The following SRRM1 variants were observed in gnomAD, a reference collection of about 807,000 sequenced individuals.
SRRM1 encodes serine and arginine repetitive matrix 1, also known as serine/arginine repetitive matrix protein 1.
Under a neutral mutation model 110.2 loss-of-function variants are expected in SRRM1, and 19 were observed. The ratio of observed to expected loss-of-function variants is 0.17; its 90% CI spans 0.12 to 0.25. SRRM1 has a LOEUF of 0.25. SRRM1 is among the 10% of genes least tolerant of loss of function. SRRM1 has a pLI of 1.00. For missense variants in SRRM1, 918 were observed against 1,145.8 expected, an observed-to-expected ratio of 0.80 and a Z score of 2.87; for synonymous variants, 443 against 414.9, an observed-to-expected ratio of 1.07 and a Z score of -0.82.
intron 1 of SRRM1, 115 bp from the exon 2 acceptor site, chr1:24,645,869 C>G (rs745878754): frequency 3.9e-5 from 28 of 714,188 alleles, no homozygotes; most frequent in Non-Finnish European, 6.1e-5. Context: ...TCTATGAAAA[C>G]TAGTTTGGTA....
chr1:24,664,241 C>A (rs776197918), intron 12 of SRRM1, among the ~76,000 whole-genome samples: 3 of 152,098 alleles, frequency 2.0e-5, no homozygotes, highest in Non-Finnish European at 4.4e-5. Flanking sequence ...GGTGATCCAC[C>A]CGCCTCGGCC....
Position 24,655,147 on chromosome 1 carries a change from A to G in SRRM1, c.1315+18A>G, listed in dbSNP as rs764343572. ...AGGTAAAGGTAAAAATCAAACACAT[A>G]TGAAACATGGTCTCTCTTTCTTTGG... On this transcript the variant is annotated intron_variant, in intron 9 of 16. Coordinates refer to ENST00000323848, the MANE Select transcript of SRRM1 (RefSeq NM_005839.4). 7.4e-6 allele frequency: 12 copies of G among 1,611,162 alleles called. No individual in the cohort carries two copies. Among genetic ancestry groups the G allele is most frequent in the East Asian group, 6.7e-5 (3 of 44,818 alleles).
chr1:24,664,790 CT>C (rs1669066105), intron 12 of SRRM1, among the ~76,000 whole-genome samples: 1 of 152,112 alleles, frequency 6.6e-6, no homozygotes, highest in Non-Finnish European at 1.5e-5. Context: ...TTATCTCTGG[CT>C]TTTGTGAAGT....
Position 24,649,040 on chromosome 1 carries a change from T to C in SRRM1, c.405+11T>C, listed in dbSNP as rs772005399. The C allele has an allele frequency of 1.2e-6, 2 of 1,609,466 alleles. No homozygotes were observed. Among genetic ancestry groups the C allele is most frequent in the Non-Finnish European group, 8.5e-7 (1 of 1,178,774 alleles). On this transcript the variant is annotated intron_variant, in intron 4 of 16. Transcript: ENST00000323848. ...ATAAAACAAAGACAGGTAATAACCT[T>C]TTCTTTTCTGTAATGTCGATTTGAG...
intron 3 of SRRM1, chr1:24,647,824 A>G (rs892826730): frequency 3.9e-5 from 6 of 152,350 alleles, no homozygotes; most frequent in African/African-American, 1.4e-4. Flanking sequence ...ACAGGGGAGA[A>G]AGTTTTTTAA....
At chr1:24,669,855 C>T (rs1671851879) in intron 14 of SRRM1, 1 of 557,996 alleles carries the variant, frequency 1.8e-6, no homozygotes, top group East Asian at 3.0e-5. Context: ...AGACATTGAA[C>T]ATTTCTTGTG....
At position 24,661,303 on chromosome 1, in the gene SRRM1, C is replaced by T. The variant is rs1005866852; in HGVS notation, c.1397-7C>T. The stretch of plus-strand genomic sequence containing the variant: ...AGAAACACTTTCTAAATGCATCCAT[C>T]TTTCAGAAGAAGATAAAGGTGGCAA... On this transcript the variant is annotated splice_polypyrimidine_tract_variant and splice_region_variant and intron_variant, in intron 10 of 16. Coordinates refer to ENST00000323848, the MANE Select transcript of SRRM1 (RefSeq NM_005839.4). 2 of 1,607,828 alleles carry T rather than the reference C, an allele frequency of 1.2e-6. No individual in the cohort carries two copies. The highest frequency in any genetic ancestry group is 3.4e-5 in the Admixed American group (2 of 59,444).
At chr1:24,646,204 G>A (rs947203935) in intron 2 of SRRM1, 131 bp downstream of exon 2, 1 of 671,718 alleles carries the variant, frequency 1.5e-6, no homozygotes, top group Non-Finnish European at 2.6e-6. Flanking sequence ...CCACCTTTTA[G>A]CCACCACACG....
At chr1:24,664,931 T>C (rs904154928) in intron 12 of SRRM1, among the ~76,000 whole-genome samples, 1 of 151,434 alleles carries the variant, frequency 6.6e-6, no homozygotes, top group African/African-American at 2.4e-5. Flanking sequence ...GGAAAGAGAT[T>C]CCTCACAGCA....
At chr1:24,658,963 G>A (rs1251310034) in intron 9 of SRRM1, among the ~76,000 whole-genome samples, 1 of 152,170 alleles carries the variant, frequency 6.6e-6, no homozygotes, top group Admixed American at 6.6e-5. Flanking sequence ...GGAGGCAGAG[G>A]TGGGTGGATC....
chr1:24,667,212 T>C (rs945820950), intron 13 of SRRM1, among the ~76,000 whole-genome samples: 5 of 152,190 alleles, frequency 3.3e-5, no homozygotes, highest in African/African-American at 1.2e-4. Flanking sequence ...TCTATAGAGA[T>C]AGAAAACAGA....
intron 8 of SRRM1, chr1:24,654,223 G>A (rs575815930): frequency 9.2e-7 from 1 of 1,091,420 alleles, no homozygotes; most frequent in South Asian, 1.3e-5. Flanking sequence ...CAGCCATTTA[G>A]CAGTCAATAT....
intron 1 of SRRM1, 40 bp downstream of exon 1, chr1:24,643,387 T>C (rs1345048130): frequency 6.5e-7 from 1 of 1,529,778 alleles, no homozygotes; most frequent in South Asian, 1.2e-5. Context: ...GGCCAGGGAC[T>C]TCTCGGTAAG....
chr1:24,661,299 C>T lies in SRRM1; in HGVS notation c.1397-11C>T, dbSNP rs1667118595. ...CTAAAGAAACACTTTCTAAATGCAT[C>T]CATCTTTCAGAAGAAGATAAAGGTG... On this transcript the variant is annotated splice_polypyrimidine_tract_variant and intron_variant, in intron 10 of 16. Transcript: ENST00000323848. 3 of 1,604,058 alleles carry T rather than the reference C, an allele frequency of 1.9e-6. No individual in the cohort carries two copies. The highest frequency in any genetic ancestry group is 1.3e-5 in the African/African-American group (1 of 74,706).
intron 9 of SRRM1, among the ~76,000 whole-genome samples, chr1:24,659,879 C>T (rs1278411796): frequency 6.6e-6 from 1 of 152,154 alleles, no homozygotes; most frequent in East Asian, 1.9e-4. Context: ...TATAGAAATG[C>T]CTTTTTTTCT....
At chr1:24,645,186 C>A (rs1656711796) in intron 1 of SRRM1, among the ~76,000 whole-genome samples, 1 of 152,170 alleles carries the variant, frequency 6.6e-6, no homozygotes, top group Admixed American at 6.5e-5. Context: ...AAGGAACTAT[C>A]CTCAGAGAGG....
chr1:24,665,067 A>G (rs1293555527), intron 12 of SRRM1, among the ~76,000 whole-genome samples: 1 of 152,206 alleles, frequency 6.6e-6, no homozygotes, highest in East Asian at 1.9e-4. Context: ...AATTGCCATC[A>G]GGTTCCTAGG....
intron 4 of SRRM1, among the ~76,000 whole-genome samples, chr1:24,649,355 G>C (rs932372551): frequency 6.6e-6 from 1 of 152,224 alleles, no homozygotes; most frequent in Non-Finnish European, 1.5e-5. Flanking sequence ...GTTTCAGTCT[G>C]TCACCCAGGC....
chr1:24,646,168 C>A, intron 2 of SRRM1, 95 bp downstream of exon 2: 1 of 888,392 alleles, frequency 1.1e-6, no homozygotes, highest in Non-Finnish European at 1.8e-6. Flanking sequence ...AACTTGAATG[C>A]TAAGAAAAAC....
Sources: allele counts gnomAD v4.1 joint callset (sites outside exome capture counted in the v4.1 genomes callset), GRCh38; gene constraint gnomAD v4.1.1; transcripts MANE v1.5; gene names NCBI Gene and HGNC (gene_info 2026-07-23, HGNC 2026-07-21).